Variants in WDR27 observed in about 807,000 individuals in gnomAD.
WDR27 encodes the protein WD repeat domain 27, also known as WD repeat-containing protein 27.
In WDR27, 100 loss-of-function variants were observed where a neutral mutation model predicts 114.4. The observed-to-expected ratio is 0.87, with a 90% confidence interval of 0.74 to 1.03. The LOEUF is 1.03. WDR27 is among the 50% of genes least tolerant of loss of function. WDR27 has a pLI of 0.00. For synonymous variants in WDR27, 449 were observed against 423.1 expected (o/e 1.06, Z -0.75); for missense variants, 1,129 against 1,092.9 (o/e 1.03, Z -0.47).
At chr6:169,610,657 A>C (rs1810314419) in intron 22 of WDR27, among the ~76,000 whole-genome samples, 1 of 152,162 alleles carries the variant, frequency 6.6e-6, no homozygotes, top group Non-Finnish European at 1.5e-5. Context: ...ATATCAACTA[A>C]TGAGTGAAAA....
At chr6:169,603,441 A>G (rs940571428) in intron 22 of WDR27, among the ~76,000 whole-genome samples, 1 of 152,232 alleles carries the variant, frequency 6.6e-6, no homozygotes, top group African/African-American at 2.4e-5. Context: ...GAGAAAAATC[A>G]TCAAAGTACT....
At chr6:169,482,746 C>T (rs1286056864) in intron 25 of WDR27, among the ~76,000 whole-genome samples, 3 of 152,178 alleles carry the variant, frequency 2.0e-5, no homozygotes, top group Admixed American at 6.5e-5. Flanking sequence ...CTTTTCATCA[C>T]CACATGTCAC....
intron 21 of WDR27, among the ~76,000 whole-genome samples, chr6:169,617,773 T>C (rs1812205809): frequency 6.6e-6 from 1 of 152,182 alleles, no homozygotes; most frequent in African/African-American, 2.4e-5. Context: ...AAAGAAAAGA[T>C]GGAGCCACCA....
At chr6:169,533,991 C>G (rs1485535313) in intron 25 of WDR27, among the ~76,000 whole-genome samples, 1 of 152,196 alleles carries the variant, frequency 6.6e-6, no homozygotes, top group African/African-American at 2.4e-5. Context: ...GGAAAGCACC[C>G]AGCCGAAAAC....
intron 25 of WDR27, among the ~76,000 whole-genome samples, chr6:169,513,077 C>A (rs542876006): frequency 1.4e-4 from 21 of 152,216 alleles, no homozygotes; most frequent in African/African-American, 4.8e-4. Flanking sequence ...AAATAATAAC[C>A]ATTTTCTGAT....
rs554383399 is a variant in WDR27, at chr6:169,674,664, G to C, written c.190-2268C>G. Among the ~76,000 whole-genome samples the C allele has an allele frequency of 2.4e-3, 373 of 152,254 alleles. 2 individuals carry two copies. The highest frequency in any genetic ancestry group is 4.1e-3 in the Non-Finnish European group (281 of 68,012). ...GAGGGGAATATTTGAAGAAATAATG[G>C]CTGAAAATTTTCCAAATTTTGATGA... On this transcript the variant is annotated intron_variant, in intron 2 of 25. Coordinates refer to ENST00000448612, the MANE Select transcript of WDR27 (RefSeq NM_182552.5).
chr6:169,426,832 A>G, the WDR27 span: 1 of 153,030 alleles, frequency 6.5e-6, no homozygotes, highest in South Asian at 2.1e-4. Context: ...TTCCACACCC[A>G]CTCAGCACCT....
chr6:169,581,789 C>T lies in WDR27; in HGVS notation c.2523+1047G>A, dbSNP rs189111657. Among the ~76,000 whole-genome samples, 584 of 135,298 alleles carry T rather than the reference C, an allele frequency of 4.3e-3. 2 individuals carry two copies. The highest frequency in any genetic ancestry group is 0.015 in the African/African-American group (546 of 37,162). The allele number at this position is 135,298 out of a possible 152,430, so 88.8% of individuals were successfully genotyped here. Reference sequence around the variant, plus strand: ...CACGGCAACATGCCCTGAACCACGGCGATACGTCCTATAGCAGAGAAGAGC... The same window carrying T: ...CACGGCAACATGCCCTGAACCACGGTGATACGTCCTATAGCAGAGAAGAGC... On this transcript the variant is annotated intron_variant, in intron 24 of 25. Transcript: ENST00000448612.
At chr6:169,478,691 C>T (rs1441453727) in intron 25 of WDR27, among the ~76,000 whole-genome samples, 1 of 151,904 alleles carries the variant, frequency 6.6e-6, no homozygotes, top group African/African-American at 2.4e-5. Context: ...CTGGTAAAAT[C>T]AACAACAACA....
intron 25 of WDR27, among the ~76,000 whole-genome samples, chr6:169,536,550 A>G (rs1322965167): frequency 6.6e-6 from 1 of 152,218 alleles, no homozygotes; most frequent in Non-Finnish European, 1.5e-5. Context: ...AAACAAAAAA[A>G]CTACAAAAGA....
Position 169,685,237 on chromosome 6 carries a change from A to G in WDR27, c.189+3580T>C, listed in dbSNP as rs1307886718. 1.4e-4 allele frequency among the ~76,000 whole-genome samples: 22 copies of G among 151,892 alleles called. 2 individuals are homozygous for G. Among genetic ancestry groups the G allele is most frequent in the Non-Finnish European group, 2.9e-5 (2 of 67,994 alleles). ...TTTCCCATCAGATGCTCTTAAATCA[A>G]TGTCAGGACATATCAACCATGAAAA... On this transcript the variant is annotated intron_variant, in intron 2 of 25. Coordinates refer to ENST00000448612, the MANE Select transcript of WDR27 (RefSeq NM_182552.5).
chr6:169,460,989 G>GAA (rs34208884), intron 25 of WDR27, among the ~76,000 whole-genome samples: 1 of 132,834 alleles, frequency 7.5e-6, no homozygotes, highest in African/African-American at 2.8e-5. Context: ...ACCAATAACA[G>GAA]AAAAAAAAAA....
At chr6:169,440,073 A>C in the WDR27 span, among the ~76,000 whole-genome samples, 1 of 152,232 alleles carries the variant, frequency 6.6e-6, no homozygotes, top group Middle Eastern at 3.4e-3. Context: ...ACAAAGGTCC[A>C]ATCTGAGATT....
chr6:169,534,058 C>A (rs749404890), intron 25 of WDR27, among the ~76,000 whole-genome samples: 4 of 152,290 alleles, frequency 2.6e-5, no homozygotes, highest in African/African-American at 4.8e-5. Flanking sequence ...GTTAAGGAAG[C>A]CCCCTTCCAT....
chr6:169,516,299 A>C (rs926652609), intron 25 of WDR27, among the ~76,000 whole-genome samples: 1 of 152,192 alleles, frequency 6.6e-6, no homozygotes, highest in South Asian at 2.1e-4. Context: ...CTCAACGGTA[A>C]GGAGCCATGA....
At chr6:169,591,893 T>A (rs2867159) in intron 23 of WDR27, among the ~76,000 whole-genome samples, 71,735 of 149,034 alleles carry the variant, frequency 0.48, 20,957 homozygotes, top group Non-Finnish European at 0.67. Flanking sequence ...TGGCTCATCT[T>A]GTAAGTCTTC....
chr6:169,619,974 G>T (rs1812726392), intron 21 of WDR27, among the ~76,000 whole-genome samples: 1 of 152,188 alleles, frequency 6.6e-6, no homozygotes, highest in Non-Finnish European at 1.5e-5. Flanking sequence ...ATGTTTTGGA[G>T]TGAAATATTT....
intron 25 of WDR27, among the ~76,000 whole-genome samples, chr6:169,511,994 T>G (rs368891074): frequency 6.6e-6 from 1 of 152,324 alleles, no homozygotes; most frequent in East Asian, 1.9e-4. Flanking sequence ...GTCACACTCA[T>G]GTATCTGCAG....
chr6:169,678,408 A>G (rs1400809545), intron 2 of WDR27, among the ~76,000 whole-genome samples: 1 of 152,200 alleles, frequency 6.6e-6, no homozygotes, highest in Non-Finnish European at 1.5e-5. Context: ...CTTTTGGCCA[A>G]TTTCTCCCTT....
Sources: gnomAD v4.1 joint callset for allele counts (sites outside exome capture counted in the v4.1 genomes callset) on GRCh38, gnomAD v4.1.1 for gene constraint, MANE v1.5 for transcripts, NCBI Gene and HGNC (gene_info 2026-07-23, HGNC 2026-07-21) for gene names.